The following TSHR variants were observed in gnomAD, a reference collection of about 807,000 sequenced individuals.
TSHR encodes the protein thyroid stimulating hormone receptor.
A neutral mutation model predicts 64.1 loss-of-function variants in TSHR; 51 were observed. The observed-to-expected ratio is 0.80, with a 90% confidence interval of 0.64 to 1.01. The LOEUF (loss-of-function observed/expected upper bound fraction) is 1.01, where lower values mean the gene tolerates loss of function less well. Among genes scored for constraint, TSHR ranks in the 50% least tolerant of loss-of-function variants. The pLI, the probability that TSHR is intolerant of heterozygous loss-of-function variation, is 0.00. For missense variants in TSHR, 877 were observed against 942.8 expected (o/e 0.93, Z 0.91); for synonymous variants, 361 against 361.9 (o/e 1.00, Z 0.03).
chr14:81,021,975 G>A (rs1026155630), intron 1 of TSHR, among the ~76,000 whole-genome samples: 2 of 152,018 alleles, frequency 1.3e-5, no homozygotes, highest in African/African-American at 2.4e-5. Flanking sequence ...TAAAATTACA[G>A]TAATCGGCCG....
Position 81,062,376 on chromosome 14 carries a change from A to G in TSHR, c.242+157A>G, listed in dbSNP as rs549115916. Among the ~76,000 whole-genome samples, 7 of 152,154 alleles carry G rather than the reference A, an allele frequency of 4.6e-5. No individual in the cohort carries two copies. The South Asian group carries it at 1.2e-3, about 27-fold the overall frequency. ...ATTTTATGTACATGATTTTTATTTC[A>G]TTTTGCTATATCTCTACTCCCTAAT... is the stretch of plus-strand genomic sequence containing the variant. On this transcript the variant is annotated intron_variant, in intron 2 of 9. Transcript: ENST00000298171.
At chr14:81,091,685 C>G (rs1208233781) in intron 5 of TSHR, among the ~76,000 whole-genome samples, 1 of 152,200 alleles carries the variant, frequency 6.6e-6, no homozygotes, top group African/African-American at 2.4e-5. Context: ...CTCTCAGCCA[C>G]CTTATAAGGT....
intron 1 of TSHR, among the ~76,000 whole-genome samples, chr14:80,969,036 G>A (rs992680181): frequency 1.3e-5 from 2 of 152,178 alleles, no homozygotes; most frequent in Non-Finnish European, 2.9e-5. Flanking sequence ...GGTGAGATGA[G>A]CCAATTCTAT....
intron 1 of TSHR, among the ~76,000 whole-genome samples, chr14:81,047,240 ATGGG>A (rs1566779004): frequency 6.6e-6 from 1 of 152,146 alleles, no homozygotes. Context: ...CAAATCAAGA[ATGGG>A]AAGAACTCGC....
chr14:81,069,346 A>G (rs1886890478), intron 3 of TSHR, among the ~76,000 whole-genome samples: 1 of 152,212 alleles, frequency 6.6e-6, no homozygotes. Flanking sequence ...GATGCTTTCA[A>G]GAATACTGAG....
chr14:81,124,352 C>A (rs1890929330), intron 8 of TSHR, among the ~76,000 whole-genome samples: 1 of 152,036 alleles, frequency 6.6e-6, no homozygotes, highest in Non-Finnish European at 1.5e-5. Flanking sequence ...TGATCCTGAG[C>A]AAACATATAT....
At chr14:80,977,505 C>T (rs2139713784) in intron 1 of TSHR, among the ~76,000 whole-genome samples, 2 of 152,300 alleles carry the variant, frequency 1.3e-5, no homozygotes, top group South Asian at 4.1e-4. Context: ...TCAAACAGGG[C>T]TCAGTAGCAC....
intron 1 of TSHR, among the ~76,000 whole-genome samples, chr14:80,991,018 A>G (rs1888700226): frequency 6.6e-6 from 1 of 152,236 alleles, no homozygotes; most frequent in African/African-American, 2.4e-5. Context: ...AGAATGATTA[A>G]AGTACAGCTT....
At chr14:80,980,785 T>C (rs947118008) in intron 1 of TSHR, among the ~76,000 whole-genome samples, 1 of 152,208 alleles carries the variant, frequency 6.6e-6, no homozygotes, top group Non-Finnish European at 1.5e-5. Flanking sequence ...TTTTAACTTC[T>C]CTTTTGTGTT....
chr14:81,033,213 C>A, intron 1 of TSHR: 2 of 457,564 alleles, frequency 4.4e-6, no homozygotes, highest in South Asian at 3.7e-5. Flanking sequence ...CCACAAAAAT[C>A]TGAAGAGCCC....
intron 1 of TSHR, among the ~76,000 whole-genome samples, chr14:81,058,824 G>C (rs757350142): frequency 6.6e-6 from 1 of 152,132 alleles, no homozygotes; most frequent in South Asian, 2.1e-4. Context: ...ACATTCACTT[G>C]GTGTTTTTTC....
At chr14:81,055,208 G>T (rs10150860) in intron 1 of TSHR, among the ~76,000 whole-genome samples, 61 of 152,012 alleles carry the variant, frequency 4.0e-4, no homozygotes, top group Non-Finnish European at 6.6e-4. Context: ...GCTTCCACAT[G>T]GTATAGAGCC....
At chr14:80,997,801 C>T (rs1265688346) in intron 1 of TSHR, among the ~76,000 whole-genome samples, 1 of 152,220 alleles carries the variant, frequency 6.6e-6, no homozygotes, top group African/African-American at 2.4e-5. Context: ...AATTACAGGA[C>T]AGGGCAGGTT....
At chr14:80,967,186 GTATATA>G (rs3038162) in intron 1 of TSHR, among the ~76,000 whole-genome samples, 72 of 143,964 alleles carry the variant, frequency 5.0e-4, no homozygotes, top group Admixed American at 5.5e-4. Context: ...ATATGTATGT[GTATATA>G]TATATATATA....
At chr14:81,039,588 T>C (rs1472676777) in intron 1 of TSHR, among the ~76,000 whole-genome samples, 7 of 151,704 alleles carry the variant, frequency 4.6e-5, no homozygotes, top group African/African-American at 1.7e-4. Flanking sequence ...GACTCCACCA[T>C]AAAACTATTA....
At chr14:80,961,494 G>GGT (rs1887026503) in intron 1 of TSHR, among the ~76,000 whole-genome samples, 1 of 152,110 alleles carries the variant, frequency 6.6e-6, no homozygotes, top group Non-Finnish European at 1.5e-5. Flanking sequence ...GTGGAGATGT[G>GGT]GTGTTCAAGA....
chr14:81,104,487 CCT>C (rs1416258464), intron 7 of TSHR: 1 of 985,302 alleles, frequency 1.0e-6, no homozygotes, highest in Admixed American at 6.2e-5. Flanking sequence ...ACATCACACT[CCT>C]CTCTCTGGCA....
chr14:81,146,002 C>T lies in TSHR; in HGVS notation c.*1649C>T. The T allele has an allele frequency of 4.3e-6, 1 of 232,004 alleles. No individual in the cohort carries two copies. Among genetic ancestry groups the T allele is most frequent in the Non-Finnish European group, 8.5e-6 (1 of 117,254 alleles). The allele number at this position is 232,004 out of a possible 1,614,324, so 14.4% of individuals were successfully genotyped here. A position where few individuals can be genotyped will look rare whatever the true frequency, so the allele number is the denominator to read the frequency against. On this transcript the variant is annotated 3_prime_UTR_variant, in exon 10 of 10. Coordinates refer to ENST00000298171, the MANE Select transcript of TSHR (RefSeq NM_000369.5). Reference sequence around the variant, plus strand: ...CCTGGAATCTCTCCACAGCCATACCCACTCATCACTATCATTGAGACCTGC... The same window carrying T: ...CCTGGAATCTCTCCACAGCCATACCTACTCATCACTATCATTGAGACCTGC...
intron 1 of TSHR, among the ~76,000 whole-genome samples, chr14:80,986,474 T>TTTTGTTTGTTTTTTG (rs1211004289): frequency 6.7e-6 from 1 of 150,006 alleles, no homozygotes; most frequent in Non-Finnish European, 1.5e-5. Context: ...TCATTCTTTT[T>TTTTGTTTGTTTTTTG]TTTGTTTGTT....
Sources: gnomAD v4.1 joint callset for allele counts (sites outside exome capture counted in the v4.1 genomes callset) on GRCh38, gnomAD v4.1.1 for gene constraint, MANE v1.5 for transcripts, NCBI Gene and HGNC (gene_info 2026-07-23, HGNC 2026-07-21) for gene names.